The following GDPD5 variants were observed in gnomAD, a reference collection of about 807,000 sequenced individuals.
GDPD5 encodes glycerophosphodiester phosphodiesterase 2.
In GDPD5, 48 loss-of-function variants were observed where a neutral mutation model predicts 75.1. That is an observed-to-expected ratio of 0.64 (90% CI 0.51 to 0.81). The LOEUF is 0.81. Ranked by LOEUF, GDPD5 falls within the 40% of genes least tolerant of loss-of-function variation. The pLI, the probability that GDPD5 is intolerant of heterozygous loss-of-function variation, is 0.00. For missense variants in GDPD5, 706 were observed against 822.6 expected, an observed-to-expected ratio of 0.86 and a Z score of 1.73; for synonymous variants, 336 against 339.0, an observed-to-expected ratio of 0.99 and a Z score of 0.10.
At chr11:75,472,953 T>C in intron 3 of GDPD5, among the ~76,000 whole-genome samples, 1 of 151,404 alleles carries the variant, frequency 6.6e-6, no homozygotes, top group Non-Finnish European at 1.5e-5. Flanking sequence ...TTGGCAGAAG[T>C]TGGGGGCATG....
intron 8 of GDPD5, 64 bp downstream of exon 8, chr11:75,449,453 C>T (rs1949072478): frequency 6.8e-7 from 1 of 1,463,464 alleles, no homozygotes; most frequent in Non-Finnish European, 9.3e-7. Flanking sequence ...CAGGTCGGGG[C>T]AGCACCAGCT....
chr11:75,489,946 G>C (rs668727), intron 2 of GDPD5, among the ~76,000 whole-genome samples: 89,539 of 151,822 alleles, frequency 0.59, 27,354 homozygotes, highest in East Asian at 0.79. Context: ...GTATTTAATG[G>C]AGCAAGTTTC....
At position 75,435,630 on chromosome 11, in the gene GDPD5, G is replaced by A. The variant is rs537176106; in HGVS notation, c.1695C>T (p.Ser565=). The A allele has an allele frequency of 1.9e-5, 31 of 1,612,888 alleles. No individual in the cohort carries two copies. Among genetic ancestry groups the A allele is most frequent in the African/African-American group, 4.0e-5 (3 of 74,888 alleles). The change falls in exon 17 of 17, where the codon TCC becomes TCT. Residue 565 remains serine, a synonymous_variant. Transcript: ENST00000336898. Reference sequence around the variant, plus strand: ...TGTCTGAACATACGGAGAGCACATCGGAGACCTCTACACCATCGCTGATCT... The same window carrying A: ...TGTCTGAACATACGGAGAGCACATCAGAGACCTCTACACCATCGCTGATCT... The part of the protein sequence containing the change: ...FSEISDGVEV[S]DVLSVCSDNS...
chr11:75,448,859 A>G, intron 9 of GDPD5, 118 bp downstream of exon 9: 7 of 1,254,170 alleles, frequency 5.6e-6, no homozygotes, highest in South Asian at 1.9e-5. Context: ...CTTCCCATGT[A>G]CCTCCCCTCA....
At chr11:75,448,041 G>A (rs920262381) in intron 9 of GDPD5, among the ~76,000 whole-genome samples, 3 of 152,066 alleles carry the variant, frequency 2.0e-5, no homozygotes, top group South Asian at 2.1e-4. Flanking sequence ...GTGGCAGCCC[G>A]GCAGACCCAG....
chr11:75,518,408 A>G (rs1024445048), intron 1 of GDPD5, among the ~76,000 whole-genome samples: 25 of 152,148 alleles, frequency 1.6e-4, no homozygotes, highest in African/African-American at 6.0e-4. Context: ...ACACTGTGGG[A>G]GGTAGGCTGC....
At chr11:75,435,737 C>T (rs2135101765) in intron 16 of GDPD5, 82 bp from the exon 17 acceptor site, 5 of 1,429,154 alleles carry the variant, frequency 3.5e-6, no homozygotes, top group African/African-American at 1.4e-5. Context: ...AGGAAGGCTG[C>T]ACCACCCAGC....
intron 6 of GDPD5, among the ~76,000 whole-genome samples, chr11:75,455,565 C>T (rs769785271): frequency 6.6e-6 from 1 of 152,228 alleles, no homozygotes; most frequent in African/African-American, 2.4e-5. Context: ...CTTTCCTATT[C>T]CACATCCGTC....
intron 4 of GDPD5, 52 bp downstream of exon 4, chr11:75,462,734 C>T: frequency 7.1e-7 from 1 of 1,406,782 alleles, no homozygotes; most frequent in Non-Finnish European, 1.0e-6. Flanking sequence ...GTCCCAGCTA[C>T]TGGATACCCA....
chr11:75,477,793 G>T lies in GDPD5; in HGVS notation c.-58C>A. 1 of 1,249,892 alleles carries T rather than the reference G, an allele frequency of 8.0e-7. No homozygotes were observed. The highest frequency in any genetic ancestry group is 1.1e-6 in the Non-Finnish European group (1 of 897,810). 77.4% of individuals were successfully genotyped at this position (1,249,892 alleles called of 1,614,324 possible). On this transcript the variant is annotated splice_region_variant and 5_prime_UTR_variant, in exon 3 of 17. Transcript: ENST00000336898. ...AGGCGCCCATGGAGGCCCCCAGCTT[G>T]TCCTGCAGGAGGAAGCACAGGGCAG...
chr11:75,491,451 C>T (rs1950107711), intron 1 of GDPD5, among the ~76,000 whole-genome samples: 1 of 152,194 alleles, frequency 6.6e-6, no homozygotes, highest in Admixed American at 6.5e-5. Context: ...GGCCTTGGAC[C>T]TTGGAAACCT....
chr11:75,434,856 G>A lies in GDPD5; in HGVS notation c.*651C>T, dbSNP rs532766941. ...GAGGTCTGCTGGACACCTGGGCATG[G>A]GATCCAGTAGTCCTGAGCTCACTCT... On this transcript the variant is annotated 3_prime_UTR_variant, in exon 17 of 17. Coordinates refer to ENST00000336898, the MANE Select transcript of GDPD5 (RefSeq NM_030792.8). The A allele has an allele frequency of 6.6e-6, 1 of 152,492 alleles. No individual in the cohort carries two copies. Among genetic ancestry groups the A allele is most frequent in the African/African-American group, 2.4e-5 (1 of 41,466 alleles). 9.4% of individuals were successfully genotyped at this position (152,492 alleles called of 1,614,324 possible). A position where few individuals can be genotyped will look rare whatever the true frequency, so the allele number is the denominator to read the frequency against.
chr11:75,480,028 CGT>C (rs769463926), intron 2 of GDPD5, among the ~76,000 whole-genome samples: 19 of 152,012 alleles, frequency 1.2e-4, no homozygotes, highest in Non-Finnish European at 2.5e-4. Context: ...TTTGTGTGAA[CGT>C]GTGTTTTCAT....
intron 2 of GDPD5, among the ~76,000 whole-genome samples, chr11:75,481,665 C>A (rs1033408630): frequency 6.6e-6 from 1 of 152,076 alleles, no homozygotes; most frequent in Admixed American, 6.5e-5. Flanking sequence ...ACATTCCCAG[C>A]CTTCCCGCAG....
Position 75,474,937 on chromosome 11 carries a change from C to T in GDPD5, c.117+2682G>A, listed in dbSNP as rs1949748098. Reference sequence around the variant, plus strand: ...CACTTAAACCCACATCTTCAACACACGCTATCTTCCCTAGTCTCCAGCAGT... The same window carrying T: ...CACTTAAACCCACATCTTCAACACATGCTATCTTCCCTAGTCTCCAGCAGT... On this transcript the variant is annotated intron_variant, in intron 3 of 16. Coordinates refer to ENST00000336898, the MANE Select transcript of GDPD5 (RefSeq NM_030792.8). Among the ~76,000 whole-genome samples the T allele has an allele frequency of 5.3e-5, 8 of 152,246 alleles. No individual in the cohort carries two copies. In the South Asian group the frequency reaches 1.4e-3, roughly 28 times the overall value.
chr11:75,513,545 A>G (rs546007759), intron 1 of GDPD5, among the ~76,000 whole-genome samples: 1 of 152,276 alleles, frequency 6.6e-6, no homozygotes, highest in African/African-American at 2.4e-5. Context: ...GACATCACAG[A>G]TATCAGAGCG....
Position 75,454,148 on chromosome 11 carries a change from A to G in GDPD5, c.375+2609T>C, listed in dbSNP as rs1449243474. Reference sequence around the variant, plus strand: ...GCCAAATGGCTAATTTCCCACATCTATAAAGAGTTCCTGCAAATGAATAAG... The same window carrying G: ...GCCAAATGGCTAATTTCCCACATCTGTAAAGAGTTCCTGCAAATGAATAAG... On this transcript the variant is annotated intron_variant, in intron 6 of 16. Transcript: ENST00000336898. Among the ~76,000 whole-genome samples the G allele has an allele frequency of 2.0e-5, 3 of 152,276 alleles. 1 individual carries two copies. Among genetic ancestry groups the G allele is most frequent in the Admixed American group, 2.0e-4 (3 of 15,290 alleles).
chr11:75,441,896 A>G (rs1258727146), intron 12 of GDPD5, 93 bp from the exon 13 acceptor site: 5 of 1,262,930 alleles, frequency 4.0e-6, no homozygotes, highest in African/African-American at 1.5e-5. Flanking sequence ...GTTAAGAGAC[A>G]GGACCTGGCA....
chr11:75,513,422 C>A (rs1950571758), intron 1 of GDPD5, among the ~76,000 whole-genome samples: 1 of 152,128 alleles, frequency 6.6e-6, no homozygotes, highest in East Asian at 1.9e-4. Context: ...GGTCAGAGAG[C>A]CGGTGGGAGT....
Sources: gnomAD v4.1 joint callset for allele counts (sites outside exome capture counted in the v4.1 genomes callset) on GRCh38, gnomAD v4.1.1 for gene constraint, MANE v1.5 for transcripts, NCBI Gene and HGNC (gene_info 2026-07-23, HGNC 2026-07-21) for gene names.